UBE2L3: variants seen among roughly 807,000 people sequenced by gnomAD.
UBE2L3 encodes ubiquitin-conjugating enzyme E2 L3.
A neutral mutation model predicts 17.8 loss-of-function variants in UBE2L3; 1 was observed. The ratio of observed to expected loss-of-function variants is 0.06; its 90% CI spans 0.02 to 0.27. The LOEUF is 0.27. Among genes scored for constraint, UBE2L3 ranks in the 10% least tolerant of loss-of-function variants. UBE2L3 has a pLI of 1.00. For synonymous variants in UBE2L3, 44 were observed against 68.5 expected (o/e 0.64, Z 1.76); for missense variants, 40 against 192.6 (o/e 0.21, Z 4.69).
At chr22:21,618,966 G>A (rs1929916496) in intron 3 of UBE2L3, among the ~76,000 whole-genome samples, 1 of 152,154 alleles carries the variant, frequency 6.6e-6, no homozygotes, top group African/African-American at 2.4e-5. Flanking sequence ...GAAAACTCCT[G>A]AGCGTGCCCC....
intron 1 of UBE2L3, among the ~76,000 whole-genome samples, chr22:21,577,293 C>T (rs950978898): frequency 4.0e-5 from 6 of 151,860 alleles, no homozygotes; most frequent in African/African-American, 9.7e-5. Flanking sequence ...TTAGTAGAGA[C>T]GGGGTTTCAT....
chr22:21,609,423 G>A (rs1348957075), intron 2 of UBE2L3, among the ~76,000 whole-genome samples: 1 of 152,144 alleles, frequency 6.6e-6, no homozygotes, highest in Non-Finnish European at 1.5e-5. Flanking sequence ...AAGAAGAAAT[G>A]AGTCTGGGTG....
At chr22:21,578,364 GAA>G (rs34977459) in intron 1 of UBE2L3, among the ~76,000 whole-genome samples, 11 of 127,578 alleles carry the variant, frequency 8.6e-5, no homozygotes, top group East Asian at 2.1e-4. Flanking sequence ...TGTCTCGAAA[GAA>G]AAAAAAAAAA....
chr22:21,610,343 A>G (rs1386669172), intron 2 of UBE2L3, among the ~76,000 whole-genome samples: 1 of 152,218 alleles, frequency 6.6e-6, no homozygotes, highest in Admixed American at 6.5e-5. Context: ...GCAGCTACAT[A>G]TTGCATGATT....
chr22:21,591,562 G>A (rs5998619), intron 1 of UBE2L3, among the ~76,000 whole-genome samples: 31,279 of 152,160 alleles, frequency 0.21, 4,210 homozygotes, highest in East Asian at 0.51. Flanking sequence ...CCTGGGCTCC[G>A]GTTCCCCCTT....
At chr22:21,587,144 C>G (rs1269702366) in intron 1 of UBE2L3, among the ~76,000 whole-genome samples, 1 of 152,002 alleles carries the variant, frequency 6.6e-6, no homozygotes, top group Non-Finnish European at 1.5e-5. Flanking sequence ...CTTTGGCCTC[C>G]CAAAATGCTG....
In UBE2L3 at chr22:21,575,631, C is replaced by CTTTTTTTTTTTT. The variant is rs533923826; in HGVS notation, c.27+7877_27+7888dup. ...TACTTTTCCCAACAAAGTTGAATAG[C>CTTTTTTTTTTTT]TTTTTTTTTTTTTTTTTTTTTTTTT... is the stretch of plus-strand genomic sequence containing the variant. On this transcript the variant is annotated intron_variant, in intron 1 of 3. Coordinates refer to ENST00000342192, the MANE Select transcript of UBE2L3 (RefSeq NM_003347.4). Among the ~76,000 whole-genome samples the CTTTTTTTTTTTT allele has an allele frequency of 8.2e-5, 6 of 73,394 alleles. 1 individual carries two copies. Among genetic ancestry groups the CTTTTTTTTTTTT allele is most frequent in the African/African-American group, 3.5e-4 (6 of 17,330 alleles). 48.1% of individuals were successfully genotyped at this position (73,394 alleles called of 152,430 possible).
chr22:21,563,919 C>T (rs1475444796), upstream of UBE2L3, among the ~76,000 whole-genome samples: 5 of 151,762 alleles, frequency 3.3e-5, no homozygotes, highest in Non-Finnish European at 5.9e-5. Flanking sequence ...TTGCCCAGGC[C>T]GGTCTTGAAC....
upstream of UBE2L3, chr22:21,567,593 G>A: frequency 2.0e-6 from 3 of 1,466,210 alleles, no homozygotes; most frequent in Non-Finnish European, 1.8e-6. Context: ...TCCTCCACGC[G>A]CCCCCCAGCA....
intron 1 of UBE2L3, among the ~76,000 whole-genome samples, chr22:21,576,295 GT>G (rs899604359): frequency 2.8e-5 from 4 of 144,164 alleles, no homozygotes; most frequent in Non-Finnish European, 4.6e-5. Context: ...TTGCATTTTT[GT>G]TTTTTTTTGT....
intron 1 of UBE2L3, among the ~76,000 whole-genome samples, chr22:21,558,341 C>T (rs1926310402): frequency 6.6e-6 from 1 of 152,222 alleles, no homozygotes; most frequent in Admixed American, 6.5e-5. Flanking sequence ...TTATTAAAAA[C>T]TTAATTTTTG....
chr22:21,605,548 C>T (rs1310868819), intron 2 of UBE2L3, among the ~76,000 whole-genome samples: 1 of 152,008 alleles, frequency 6.6e-6, no homozygotes, highest in East Asian at 1.9e-4. Flanking sequence ...TTTTGTTGCC[C>T]AGGCTGGAGT....
chr22:21,581,307 T>C (rs1244040275), intron 1 of UBE2L3, among the ~76,000 whole-genome samples: 1 of 151,318 alleles, frequency 6.6e-6, no homozygotes, highest in Non-Finnish European at 1.5e-5. Flanking sequence ...TCCACCTGCC[T>C]TGGCTTCCCA....
Position 21,606,950 on chromosome 22 carries a change from A to C in UBE2L3, c.124-3907A>C, listed in dbSNP as rs570342946. On this transcript the variant is annotated intron_variant, in intron 2 of 3. Transcript: ENST00000342192. The stretch of plus-strand genomic sequence containing the variant: ...TGCCCGCAGCCTCCTGTCTTGCTCT[A>C]TGCTATTCCTTCCAAGTCCCTGCCA... Among the ~76,000 whole-genome samples the C allele has an allele frequency of 2.6e-5, 4 of 152,218 alleles. No individual in the cohort carries two copies. In the East Asian group the frequency reaches 7.7e-4, roughly 29 times the overall value.
At chr22:21,614,176 G>A (rs1489177860) in intron 3 of UBE2L3, among the ~76,000 whole-genome samples, 2 of 152,156 alleles carry the variant, frequency 1.3e-5, no homozygotes, top group Non-Finnish European at 2.9e-5. Flanking sequence ...TCATATGTTG[G>A]GTGTCCCTGT....
chr22:21,607,514 T>TA (rs758366095), intron 2 of UBE2L3, among the ~76,000 whole-genome samples: 3,447 of 108,872 alleles, frequency 0.032, 114 homozygotes, highest in East Asian at 0.08. Context: ...GACTCCGTCT[T>TA]AAAAAAAAAA....
At position 21,614,761 on chromosome 22, in the gene UBE2L3, A is replaced by G. The variant is rs1256077597; in HGVS notation, c.310+3718A>G. The G allele has an allele frequency of 1.1e-5, 8 of 757,316 alleles. No individual in the cohort carries two copies. The Admixed American group carries it at 2.2e-4, about 20-fold the overall frequency. 46.9% of individuals were successfully genotyped at this position (757,316 alleles called of 1,614,324 possible). ...ATCTACCCAAGAGAAATGAAAACAT[A>G]TGCCCAATAAAAACTTGTACACAGA... On this transcript the variant is annotated intron_variant, in intron 3 of 3. Coordinates refer to ENST00000342192, the MANE Select transcript of UBE2L3 (RefSeq NM_003347.4).
intron 1 of UBE2L3, among the ~76,000 whole-genome samples, chr22:21,589,968 T>C (rs1928168364): frequency 6.6e-6 from 1 of 152,110 alleles, no homozygotes. Flanking sequence ...CCCATGGCAG[T>C]ATTTCTTTTA....
chr22:21,591,885 G>A (rs902090984), intron 1 of UBE2L3, among the ~76,000 whole-genome samples: 1 of 152,182 alleles, frequency 6.6e-6, no homozygotes, highest in Non-Finnish European at 1.5e-5. Flanking sequence ...GAGGCGGGTA[G>A]AGTGGCACTT....
Sources: gnomAD v4.1 joint callset for allele counts (sites outside exome capture counted in the v4.1 genomes callset) on GRCh38, gnomAD v4.1.1 for gene constraint, MANE v1.5 for transcripts, NCBI Gene and HGNC (gene_info 2026-07-23, HGNC 2026-07-21) for gene names.